The following MSI2 variants were observed in gnomAD, a reference collection of about 807,000 sequenced individuals.
MSI2 encodes musashi RNA binding protein 2.
MSI2 carries 17 observed loss-of-function variants against 45.6 expected under a neutral mutation model. That is an observed-to-expected ratio of 0.37 (90% confidence interval 0.26 to 0.56). The LOEUF (loss-of-function observed/expected upper bound fraction) is 0.56. Among genes scored for constraint, MSI2 ranks in the 20% least tolerant of loss-of-function variants. MSI2 has a pLI of 0.77. For synonymous variants in MSI2, 156 were observed against 158.2 expected, an observed-to-expected ratio of 0.99 and a Z score of 0.11; for missense variants, 293 against 444.2, an observed-to-expected ratio of 0.66 and a Z score of 3.06.
intron 6 of MSI2, among the ~76,000 whole-genome samples, chr17:57,473,241 TC>T (rs1209333108): frequency 1.3e-5 from 2 of 152,220 alleles, no homozygotes; most frequent in Non-Finnish European, 2.9e-5. Context: ...TCACCTTCCC[TC>T]CCAGAAGCTC....
the MSI2 span, among the ~76,000 whole-genome samples, chr17:57,701,050 C>T: frequency 6.6e-6 from 1 of 152,196 alleles, no homozygotes; most frequent in Non-Finnish European, 1.5e-5. Context: ...CCAAGAGCCC[C>T]AGACAGAGTT....
chr17:57,498,757 CTTTCTTTTTT>C (rs2086033122), intron 6 of MSI2, among the ~76,000 whole-genome samples: 1 of 152,038 alleles, frequency 6.6e-6, no homozygotes, highest in Admixed American at 6.5e-5. Flanking sequence ...TGGAACCTTT[CTTTCTTTTTT>C]TTTCTTTTTT....
At chr17:57,513,702 C>G (rs953388386) in intron 6 of MSI2, among the ~76,000 whole-genome samples, 19 of 152,218 alleles carry the variant, frequency 1.2e-4, no homozygotes, top group Admixed American at 2.6e-4. Context: ...CCTCACCCCC[C>G]TCCCGGGCTC....
intron 6 of MSI2, among the ~76,000 whole-genome samples, chr17:57,425,103 T>C (rs1314962135): frequency 6.6e-6 from 1 of 151,882 alleles, no homozygotes; most frequent in African/African-American, 2.4e-5. Context: ...GGTGGCGGAG[T>C]GCACTACTCT....
intron 5 of MSI2, among the ~76,000 whole-genome samples, chr17:57,346,150 G>A (rs1915577504): frequency 1.3e-5 from 2 of 151,958 alleles, no homozygotes; most frequent in South Asian, 4.1e-4. Flanking sequence ...TCTTTTTGTT[G>A]ATTTATTTTA....
chr17:57,551,702 A>AT (rs1440268441), intron 7 of MSI2, among the ~76,000 whole-genome samples: 1 of 152,170 alleles, frequency 6.6e-6, no homozygotes, highest in Non-Finnish European at 1.5e-5. Flanking sequence ...GTTGAGGTTA[A>AT]TAACAAGAAG....
At chr17:57,485,429 A>G (rs1437673980) in intron 6 of MSI2, among the ~76,000 whole-genome samples, 1 of 152,156 alleles carries the variant, frequency 6.6e-6, no homozygotes, top group Admixed American at 6.5e-5. Flanking sequence ...TTGCCTGCGT[A>G]TCTGGAAAAA....
chr17:57,307,357 C>A (rs1763710133), intron 5 of MSI2, among the ~76,000 whole-genome samples: 1 of 152,164 alleles, frequency 6.6e-6, no homozygotes. Context: ...CAGGAAGAAG[C>A]AATTCTGCTT....
intron 5 of MSI2, among the ~76,000 whole-genome samples, chr17:57,353,726 G>A (rs2143855729): frequency 6.6e-6 from 1 of 152,304 alleles, no homozygotes; most frequent in East Asian, 1.9e-4. Context: ...TTGGGTCTCA[G>A]AACATTAAGA....
At chr17:57,432,064 C>G (rs1288157795) in intron 6 of MSI2, among the ~76,000 whole-genome samples, 2 of 152,156 alleles carry the variant, frequency 1.3e-5, no homozygotes, top group Admixed American at 1.3e-4. Context: ...AACTATTAAT[C>G]ACGCCGAGTT....
intron 5 of MSI2, among the ~76,000 whole-genome samples, chr17:57,342,211 G>T (rs1043384291): frequency 6.6e-6 from 1 of 152,144 alleles, no homozygotes; most frequent in Non-Finnish European, 1.5e-5. Context: ...AATTATATTT[G>T]ATACAGATCT....
intron 10 of MSI2, chr17:57,631,613 G>A (rs926808115): frequency 1.6e-6 from 1 of 610,374 alleles, no homozygotes; most frequent in Non-Finnish European, 2.9e-6. Context: ...ACCACTCTGG[G>A]AACAGCTCCT....
intron 10 of MSI2, among the ~76,000 whole-genome samples, chr17:57,651,114 G>T (rs1010721198): frequency 1.3e-5 from 2 of 152,174 alleles, no homozygotes; most frequent in Non-Finnish European, 2.9e-5. Context: ...ACGAGGCTGT[G>T]CGTGCACGTG....
rs142124842 is a variant in MSI2, at chr17:57,604,432, G to C, written c.537+7482G>C. On this transcript the variant is annotated intron_variant, in intron 8 of 13. Coordinates refer to ENST00000284073, the MANE Select transcript of MSI2 (RefSeq NM_138962.4). Reference sequence around the variant, plus strand: ...TGGTGCGGGACCTGGGCAGGACTGGGTCCCGAGCCTGCGGGGCAGGGATGG... The same window carrying C: ...TGGTGCGGGACCTGGGCAGGACTGGCTCCCGAGCCTGCGGGGCAGGGATGG... Among the ~76,000 whole-genome samples, 646 of 152,242 alleles carry C rather than the reference G, an allele frequency of 4.2e-3. 6 individuals are homozygous for C. The highest frequency in any genetic ancestry group is 0.015 in the African/African-American group (613 of 41,520).
rs1029933915 is a variant in MSI2, at chr17:57,682,325, C to G, written c.*2808C>G. ...CTACGGCGTTTTGTAGATCCCCCCCCCCCCACCCACTGTGAAGGGGTGCCA... is the reference window on the plus strand; with the variant it reads ...CTACGGCGTTTTGTAGATCCCCCCCGCCCCACCCACTGTGAAGGGGTGCCA... On this transcript the variant is annotated 3_prime_UTR_variant, in exon 14 of 14. Transcript: ENST00000284073. 51 of 170,844 alleles carry G rather than the reference C, an allele frequency of 3.0e-4. 1 individual carries two copies. The highest frequency in any genetic ancestry group is 4.2e-4 in the African/African-American group (17 of 40,488). The allele number at this position is 170,844 out of a possible 1,614,324, so 10.6% of individuals were successfully genotyped here. A position where few individuals can be genotyped will look rare whatever the true frequency, so the allele number is the denominator to read the frequency against.
chr17:57,295,015 C>T (rs534982338), intron 5 of MSI2, among the ~76,000 whole-genome samples: 7 of 152,064 alleles, frequency 4.6e-5, no homozygotes, highest in African/African-American at 1.2e-4. Flanking sequence ...AGCAGAGAGT[C>T]GTTTCTGGGG....
intron 6 of MSI2, among the ~76,000 whole-genome samples, chr17:57,450,732 C>T (rs1050612795): frequency 4.7e-5 from 7 of 150,264 alleles, no homozygotes; most frequent in Admixed American, 2.7e-4. Context: ...TGTACAATTC[C>T]GTCCCCCCTC....
intron 6 of MSI2, among the ~76,000 whole-genome samples, chr17:57,414,591 A>AT (rs1195471324): frequency 2.0e-5 from 3 of 152,042 alleles, no homozygotes; most frequent in Non-Finnish European, 4.4e-5. Flanking sequence ...ATGTTTCGCC[A>AT]TGTTGGCCAG....
At chr17:57,660,078 C>T (rs1353027865) in intron 11 of MSI2, among the ~76,000 whole-genome samples, 1 of 152,212 alleles carries the variant, frequency 6.6e-6, no homozygotes, top group Non-Finnish European at 1.5e-5. Context: ...GGCTGACATC[C>T]TGGAAGCTCC....
Sources: allele counts gnomAD v4.1 joint callset (sites outside exome capture counted in the v4.1 genomes callset), GRCh38; gene constraint gnomAD v4.1.1; transcripts MANE v1.5; gene names NCBI Gene and HGNC (gene_info 2026-07-23, HGNC 2026-07-21).